The following ADGRL3 variants were observed in gnomAD, a reference collection of about 807,000 sequenced individuals.
The protein encoded by ADGRL3 is calcium-independent alpha-latrotoxin receptor 3.
Under a neutral mutation model 153.5 loss-of-function variants are expected in ADGRL3, and 62 were observed. The observed-to-expected ratio is 0.40, with a 90% CI of 0.33 to 0.50. ADGRL3 has a LOEUF of 0.50. Among genes scored for constraint, ADGRL3 ranks in the 20% least tolerant of loss-of-function variants. The pLI is 0.47. For synonymous variants in ADGRL3, 710 were observed against 672.5 expected (o/e 1.06, Z -0.86); for missense variants, 1,641 against 1,859.4 (o/e 0.88, Z 2.16).
At chr4:61,625,123 G>C (rs1187102472) in intron 5 of ADGRL3, among the ~76,000 whole-genome samples, 6 of 152,028 alleles carry the variant, frequency 3.9e-5, no homozygotes, top group African/African-American at 1.4e-4. Flanking sequence ...CTTGTATGTA[G>C]TTACATTAAG....
At chr4:61,603,172 C>T (rs1278871235) in intron 5 of ADGRL3, among the ~76,000 whole-genome samples, 2 of 152,018 alleles carry the variant, frequency 1.3e-5, no homozygotes, top group African/African-American at 4.8e-5. Context: ...TAACAGTCAC[C>T]CACACAGTAT....
intron 9 of ADGRL3, among the ~76,000 whole-genome samples, chr4:61,841,248 C>G (rs947873226): frequency 1.3e-5 from 2 of 152,158 alleles, no homozygotes; most frequent in Non-Finnish European, 2.9e-5. Context: ...GAAAGAAAAT[C>G]CTTAGGCATA....
At chr4:61,921,324 A>G (rs1397577645) in intron 13 of ADGRL3, among the ~76,000 whole-genome samples, 3 of 152,024 alleles carry the variant, frequency 2.0e-5, no homozygotes, top group Admixed American at 6.6e-5. Flanking sequence ...ATTTTTGTCT[A>G]TTTCAGTGGT....
chr4:61,386,284 T>C (rs2096735315), intron 2 of ADGRL3, among the ~76,000 whole-genome samples: 1 of 152,138 alleles, frequency 6.6e-6, no homozygotes. Context: ...AGTTTCATTA[T>C]ATAACATAAA....
intron 1 of ADGRL3, among the ~76,000 whole-genome samples, chr4:61,254,789 G>T (rs369019365): frequency 6.6e-5 from 10 of 152,068 alleles, no homozygotes; most frequent in South Asian, 2.1e-4. Context: ...TGATTCTCTG[G>T]TTATCTGCAC....
chr4:61,625,703 A>G (rs950719766), intron 5 of ADGRL3, among the ~76,000 whole-genome samples: 1 of 152,088 alleles, frequency 6.6e-6, no homozygotes, highest in Non-Finnish European at 1.5e-5. Context: ...AGGTCAATAC[A>G]GGGTGATACA....
chr4:61,430,050 A>G (rs987371763), intron 2 of ADGRL3, among the ~76,000 whole-genome samples: 1 of 152,176 alleles, frequency 6.6e-6, no homozygotes, highest in Non-Finnish European at 1.5e-5. Context: ...CTTCTAAAAC[A>G]TAGCAAAATC....
intron 5 of ADGRL3, among the ~76,000 whole-genome samples, chr4:61,649,752 A>C (rs2150363664): frequency 6.6e-6 from 1 of 152,282 alleles, no homozygotes; most frequent in South Asian, 2.1e-4. Context: ...TTGTTCAACT[A>C]GTCAGCATAA....
intron 1 of ADGRL3, among the ~76,000 whole-genome samples, chr4:61,308,842 G>T (rs1283147451): frequency 6.6e-6 from 1 of 152,164 alleles, no homozygotes; most frequent in Non-Finnish European, 1.5e-5. Flanking sequence ...AAAGAAAGAA[G>T]AAAGTGCACA....
At chr4:61,368,758 C>G (rs1276228123) in intron 1 of ADGRL3, among the ~76,000 whole-genome samples, 1 of 152,058 alleles carries the variant, frequency 6.6e-6, no homozygotes, top group Admixed American at 6.6e-5. Context: ...TTTTCCAATT[C>G]TGTGAAGAAA....
chr4:61,617,928 G>C (rs1326362911), intron 5 of ADGRL3, among the ~76,000 whole-genome samples: 1 of 152,154 alleles, frequency 6.6e-6, no homozygotes, highest in Admixed American at 6.5e-5. Flanking sequence ...TAGCAAATTT[G>C]CAGCAATGAA....
chr4:61,523,084 T>C (rs892690082), intron 4 of ADGRL3, among the ~76,000 whole-genome samples: 1 of 152,050 alleles, frequency 6.6e-6, no homozygotes, highest in Non-Finnish European at 1.5e-5. Context: ...TCTGTGTGTA[T>C]GTACGTGTGC....
intron 5 of ADGRL3, among the ~76,000 whole-genome samples, chr4:61,653,170 T>TCTCA (rs1212952330): frequency 4.4e-5 from 4 of 91,084 alleles, no homozygotes; most frequent in African/African-American, 6.4e-5. Flanking sequence ...TCTCTCTCTC[T>TCTCA]CACACACACA....
At chr4:61,790,506 T>C (rs1233348725) in intron 8 of ADGRL3, among the ~76,000 whole-genome samples, 1 of 152,142 alleles carries the variant, frequency 6.6e-6, no homozygotes, top group Non-Finnish European at 1.5e-5. Context: ...ACAACCATAA[T>C]TAATAATAAA....
chr4:61,847,460 A>G (rs139514298), intron 9 of ADGRL3, among the ~76,000 whole-genome samples: 21 of 148,710 alleles, frequency 1.4e-4, no homozygotes, highest in South Asian at 6.3e-4. Context: ...CCTAAGGGGC[A>G]GGGTATGTGT....
intron 2 of ADGRL3, among the ~76,000 whole-genome samples, chr4:61,465,163 A>C (rs1158544103): frequency 3.3e-5 from 5 of 152,322 alleles, no homozygotes; most frequent in Non-Finnish European, 5.9e-5. Context: ...AGCAGTTTAA[A>C]GTATTTTGTA....
At chr4:61,543,197 G>A (rs1299074352) in intron 4 of ADGRL3, among the ~76,000 whole-genome samples, 1 of 138,110 alleles carries the variant, frequency 7.2e-6, no homozygotes, top group East Asian at 2.3e-4. Flanking sequence ...TGGAACCTGA[G>A]AATTTCTAAT....
chr4:61,241,276 G>C (rs956194419), intron 1 of ADGRL3, among the ~76,000 whole-genome samples: 1 of 151,950 alleles, frequency 6.6e-6, no homozygotes, highest in Non-Finnish European at 1.5e-5. Context: ...GGTAACGAAG[G>C]TGTTTGTGAT....
intron 5 of ADGRL3, among the ~76,000 whole-genome samples, chr4:61,591,072 G>T (rs924994433): frequency 1.3e-5 from 2 of 151,992 alleles, no homozygotes; most frequent in Admixed American, 6.6e-5. Context: ...CTCAGAAAGC[G>T]CCCCCTTGTG....
Sources: gnomAD v4.1 joint callset for allele counts (sites outside exome capture counted in the v4.1 genomes callset) on GRCh38, gnomAD v4.1.1 for gene constraint, MANE v1.5 for transcripts, NCBI Gene and HGNC (gene_info 2026-07-23, HGNC 2026-07-21) for gene names.